Variants in CALN1 observed in about 807,000 individuals in gnomAD.
CALN1 encodes the protein calneuron 1, also known as calcium-binding protein 8.
In CALN1, 17 loss-of-function variants were observed where a neutral mutation model predicts 30.6. The observed-to-expected ratio is 0.56, with a 90% CI of 0.38 to 0.83. The LOEUF (loss-of-function observed/expected upper bound fraction) is 0.83. Ranked by LOEUF, CALN1 falls within the 40% of genes least tolerant of loss-of-function variation. The pLI is 0.00. For synonymous variants in CALN1, 156 were observed against 131.4 expected, an observed-to-expected ratio of 1.19 and a Z score of -1.28; for missense variants, 291 against 354.9, an observed-to-expected ratio of 0.82 and a Z score of 1.45.
At chr7:72,140,260 G>C (rs1809801882) in intron 3 of CALN1, among the ~76,000 whole-genome samples, 1 of 142,286 alleles carries the variant, frequency 7.0e-6, no homozygotes, top group South Asian at 2.4e-4. Flanking sequence ...GACAGAGTGA[G>C]ACCTTGTCTC....
chr7:72,222,361 T>TG (rs1375935884), intron 3 of CALN1, among the ~76,000 whole-genome samples: 1 of 152,168 alleles, frequency 6.6e-6, no homozygotes, highest in Non-Finnish European at 1.5e-5. Context: ...CTTGCAATCA[T>TG]GGCAGAAGGC....
At chr7:72,239,691 CA>C (rs2129551214) in intron 3 of CALN1, among the ~76,000 whole-genome samples, 1 of 81,274 alleles carries the variant, frequency 1.2e-5, no homozygotes, top group East Asian at 0.025. Context: ...TGGGATGCTA[CA>C]GAAAAAAAAA....
At chr7:72,243,978 T>C (rs1156854814) in intron 3 of CALN1, among the ~76,000 whole-genome samples, 1 of 152,230 alleles carries the variant, frequency 6.6e-6, no homozygotes, top group African/African-American at 2.4e-5. Flanking sequence ...ACAATGGTCT[T>C]TCCAGGAGCT....
chr7:72,227,929 G>C (rs1793807646), intron 3 of CALN1, among the ~76,000 whole-genome samples: 1 of 151,872 alleles, frequency 6.6e-6, no homozygotes. Flanking sequence ...CAAGTACTCT[G>C]TCCCAGGACC....
chr7:72,117,996 C>A (rs564640676), intron 3 of CALN1, among the ~76,000 whole-genome samples: 2 of 151,536 alleles, frequency 1.3e-5, no homozygotes, highest in Admixed American at 6.6e-5. Flanking sequence ...TCACTGTTGA[C>A]CCTGGGAACA....
At chr7:72,284,279 A>T (rs1797922997) in intron 2 of CALN1, among the ~76,000 whole-genome samples, 1 of 152,218 alleles carries the variant, frequency 6.6e-6, no homozygotes, top group African/African-American at 2.4e-5. Flanking sequence ...TGGGCAACAG[A>T]GGGAGACCTT....
At chr7:72,109,171 C>A (rs1807386540) in intron 3 of CALN1, among the ~76,000 whole-genome samples, 1 of 152,148 alleles carries the variant, frequency 6.6e-6, no homozygotes, top group African/African-American at 2.4e-5. Context: ...GTAGTAAATT[C>A]ATTATCAATA....
At chr7:71,988,076 C>T (rs911991250) in intron 5 of CALN1, among the ~76,000 whole-genome samples, 4 of 138,136 alleles carry the variant, frequency 2.9e-5, no homozygotes, top group African/African-American at 9.4e-5. Context: ...CTGATGACAA[C>T]GACAAGGATG....
chr7:71,866,915 T>A (rs1377741098), intron 5 of CALN1, among the ~76,000 whole-genome samples: 2 of 151,996 alleles, frequency 1.3e-5, no homozygotes, highest in African/African-American at 4.8e-5. Flanking sequence ...GAGGCCGAAA[T>A]GAGTGGATCA....
At chr7:72,271,575 A>AAAAAAAAAAAAATATATATATATAT in intron 3 of CALN1, among the ~76,000 whole-genome samples, 39 of 52,106 alleles carry the variant, frequency 7.5e-4, no homozygotes, top group African/African-American at 2.2e-3. Context: ...AAAAAAAAAA[A>AAAAAAAAAAAAATATATATATATAT]ATATATATAT....
intron 5 of CALN1, among the ~76,000 whole-genome samples, chr7:71,961,500 G>GT (rs1331907240): frequency 3.9e-5 from 6 of 152,158 alleles, no homozygotes; most frequent in African/African-American, 1.2e-4. Context: ...CATAAAACCC[G>GT]TAATAGATTA....
At chr7:72,372,585 C>CT (rs1286711371) in intron 2 of CALN1, among the ~76,000 whole-genome samples, 1 of 152,098 alleles carries the variant, frequency 6.6e-6, no homozygotes, top group African/African-American at 2.4e-5. Flanking sequence ...AATCTATAAA[C>CT]TTTGAGAACT....
intron 3 of CALN1, among the ~76,000 whole-genome samples, chr7:72,233,421 A>G (rs1794251154): frequency 6.6e-6 from 1 of 152,126 alleles, no homozygotes; most frequent in Non-Finnish European, 1.5e-5. Context: ...TTTCCTTTCA[A>G]GAGAGAGAAA....
intron 5 of CALN1, among the ~76,000 whole-genome samples, chr7:71,950,545 C>G (rs913939797): frequency 6.6e-6 from 1 of 152,158 alleles, no homozygotes; most frequent in Non-Finnish European, 1.5e-5. Flanking sequence ...ATCCTCTCCC[C>G]ACCACTCTGG....
intron 6 of CALN1, among the ~76,000 whole-genome samples, chr7:71,799,833 T>TC (rs1787201332): frequency 1.3e-5 from 2 of 152,024 alleles, no homozygotes; most frequent in African/African-American, 4.8e-5. Flanking sequence ...CTGTGAAGGG[T>TC]CCCCAAACAG....
At chr7:72,268,867 T>C (rs1321765438) in intron 3 of CALN1, among the ~76,000 whole-genome samples, 1 of 148,748 alleles carries the variant, frequency 6.7e-6, no homozygotes, top group Non-Finnish European at 1.5e-5. Context: ...ACAAAGAAAC[T>C]TATGCAAGAA....
intron 5 of CALN1, among the ~76,000 whole-genome samples, chr7:71,936,296 A>G (rs1215702071): frequency 6.6e-6 from 1 of 151,890 alleles, no homozygotes; most frequent in East Asian, 1.9e-4. Flanking sequence ...CAGGAGATTG[A>G]GACCATGCTG....
At chr7:72,059,909 G>A (rs1262675274) in intron 4 of CALN1, among the ~76,000 whole-genome samples, 1 of 152,134 alleles carries the variant, frequency 6.6e-6, no homozygotes, top group Non-Finnish European at 1.5e-5. Context: ...GAGAACGCAT[G>A]GAACAGCTAT....
At chr7:71,875,357 G>A (rs1290549784) in intron 5 of CALN1, among the ~76,000 whole-genome samples, 1 of 152,074 alleles carries the variant, frequency 6.6e-6, no homozygotes, top group East Asian at 1.9e-4. Context: ...CAGTTTACAG[G>A]GAAACCTGGA....
Sources: allele counts gnomAD v4.1 joint callset (sites outside exome capture counted in the v4.1 genomes callset), GRCh38; gene constraint gnomAD v4.1.1; transcripts MANE v1.5; gene names NCBI Gene and HGNC (gene_info 2026-07-23, HGNC 2026-07-21).